PAG1: variants seen among roughly 807,000 people sequenced by gnomAD.
PAG1 encodes the protein phosphoprotein membrane anchor with glycosphingolipid microdomains 1.
A neutral mutation model predicts 31.7 loss-of-function variants in PAG1; 23 were observed. The observed-to-expected ratio is 0.73, with a 90% CI of 0.52 to 1.03. PAG1 has a LOEUF of 1.03. Ranked by LOEUF, PAG1 falls within the 50% of genes least tolerant of loss-of-function variation. The pLI, the probability that PAG1 is intolerant of heterozygous loss-of-function variation, is 0.00. For missense variants in PAG1, 473 were observed against 540.7 expected (o/e 0.87, Z 1.24); for synonymous variants, 214 against 210.3 (o/e 1.02, Z -0.15).
At chr8:80,979,120 CAT>C (rs1807244261) in intron 8 of PAG1, among the ~76,000 whole-genome samples, 1 of 152,216 alleles carries the variant, frequency 6.6e-6, no homozygotes, top group Non-Finnish European at 1.5e-5. Context: ...GTCTGTGAGT[CAT>C]AGTTCTGTCA....
In PAG1 at chr8:81,074,758, T is replaced by C. The variant is rs1363282671; in HGVS notation, c.-233-4588A>G. Among the ~76,000 whole-genome samples the C allele has an allele frequency of 4.6e-5, 7 of 152,260 alleles. No individual in the cohort carries two copies. In the East Asian group the frequency reaches 1.2e-3, roughly 25 times the overall value. On this transcript the variant is annotated intron_variant, in intron 1 of 8. Coordinates refer to ENST00000220597, the MANE Select transcript of PAG1 (RefSeq NM_018440.4). Reference sequence around the variant, plus strand: ...TTAAACCACTGTCACATCTGCACCATGCTGGCTCAATTTGCAGGCAACCAG... The same window carrying C: ...TTAAACCACTGTCACATCTGCACCACGCTGGCTCAATTTGCAGGCAACCAG...
intron 2 of PAG1, among the ~76,000 whole-genome samples, chr8:81,061,869 G>A (rs928238974): frequency 6.6e-6 from 1 of 152,136 alleles, no homozygotes; most frequent in Admixed American, 6.5e-5. Flanking sequence ...ACAAGAAGGA[G>A]CCATCCTCTA....
chr8:80,982,172 A>C (rs936486468), intron 7 of PAG1, among the ~76,000 whole-genome samples: 5 of 151,874 alleles, frequency 3.3e-5, no homozygotes, highest in African/African-American at 1.2e-4. Context: ...AGCCTGTCTC[A>C]CTTCTTTATA....
intron 3 of PAG1, among the ~76,000 whole-genome samples, chr8:80,994,810 T>C (rs1473283525): frequency 6.6e-6 from 1 of 152,244 alleles, no homozygotes; most frequent in Non-Finnish European, 1.5e-5. Flanking sequence ...AAAGAATATT[T>C]GCTTTGCTCA....
chr8:81,111,475 C>T (rs1809772339), intron 1 of PAG1, 116 bp downstream of exon 1: 2 of 152,560 alleles, frequency 1.3e-5, no homozygotes, highest in Non-Finnish European at 2.9e-5. Flanking sequence ...CGCACTCCCT[C>T]CTCGAGCTGG....
At chr8:81,000,239 C>T (rs1807760974) in intron 3 of PAG1, among the ~76,000 whole-genome samples, 1 of 152,022 alleles carries the variant, frequency 6.6e-6, no homozygotes, top group African/African-American at 2.4e-5. Context: ...GAAATAGGAG[C>T]CAGTCAGGAA....
intron 1 of PAG1, among the ~76,000 whole-genome samples, chr8:81,089,650 A>G (rs776139227): frequency 6.6e-6 from 1 of 152,050 alleles, no homozygotes; most frequent in Non-Finnish European, 1.5e-5. Flanking sequence ...GGGAGACATT[A>G]TCTTTATTGG....
In PAG1 at chr8:80,978,498, C is replaced by T. The variant is rs577062166; in HGVS notation, c.937-1592G>A. On this transcript the variant is annotated intron_variant, in intron 8 of 8. Transcript: ENST00000220597. ...GACGGCATACCAGCGTATTCATCAC[C>T]TGGTAACATCAAGGAGGACAAATGT... Among the ~76,000 whole-genome samples, 3 of 152,304 alleles carry T rather than the reference C, an allele frequency of 2.0e-5. No homozygotes were observed. The East Asian group carries it at 5.8e-4, about 29-fold the overall frequency.
At chr8:80,979,913 G>T (rs141528989) in intron 8 of PAG1, among the ~76,000 whole-genome samples, 1 of 152,046 alleles carries the variant, frequency 6.6e-6, no homozygotes, top group Non-Finnish European at 1.5e-5. Context: ...GGGAATATGC[G>T]ATCTGCTCTT....
intron 2 of PAG1, among the ~76,000 whole-genome samples, chr8:81,047,166 T>C (rs947451900): frequency 2.0e-5 from 3 of 152,244 alleles, no homozygotes; most frequent in Admixed American, 1.3e-4. Flanking sequence ...TGTGTGCATG[T>C]ATTTTTATAA....
At chr8:81,003,123 C>CG (rs1314177565) in intron 3 of PAG1, among the ~76,000 whole-genome samples, 1 of 152,126 alleles carries the variant, frequency 6.6e-6, no homozygotes, top group African/African-American at 2.4e-5. Context: ...CTCAGACACT[C>CG]GGGGGTGGCG....
At chr8:81,022,456 G>A (rs1482726745) in intron 3 of PAG1, among the ~76,000 whole-genome samples, 2 of 152,072 alleles carry the variant, frequency 1.3e-5, no homozygotes, top group Admixed American at 6.6e-5. Flanking sequence ...GGAAAATAAC[G>A]ATGCTTATCT....
Position 80,972,953 on chromosome 8 carries a change from G to GTGTGTGTGTA in PAG1, c.*3590_*3591insTACACACACA, listed in dbSNP as rs1400813201. 1 of 151,844 alleles carries GTGTGTGTGTA rather than the reference G, an allele frequency of 6.6e-6. No individual in the cohort carries two copies. Among genetic ancestry groups the GTGTGTGTGTA allele is most frequent in the East Asian group, 1.9e-4 (1 of 5,178 alleles). 9.4% of individuals were successfully genotyped at this position (151,844 alleles called of 1,614,324 possible). A position where few individuals can be genotyped will look rare whatever the true frequency, so the allele number is the denominator to read the frequency against. ...CACACACGTATACGTGTGTGTGTGT[G>GTGTGTGTGTA]TGTGTGTGTGTGTAGTTTATTACTG... On this transcript the variant is annotated 3_prime_UTR_variant, in exon 9 of 9. Transcript: ENST00000220597.
intron 3 of PAG1, among the ~76,000 whole-genome samples, chr8:81,029,594 C>G (rs1054636181): frequency 1.8e-4 from 27 of 152,106 alleles, no homozygotes; most frequent in African/African-American, 6.5e-4. Context: ...GACATGAATA[C>G]AGCATATATT....
At position 80,990,661 on chromosome 8, in the gene PAG1, G is replaced by T. The variant is rs1450017685; in HGVS notation, c.177+818C>A. Reference sequence around the variant, plus strand: ...TCTCAGGCTGTTCCTCGCCAGGGTGGATCCCTGAGGGCCTCAGGATCATCA... The same window carrying T: ...TCTCAGGCTGTTCCTCGCCAGGGTGTATCCCTGAGGGCCTCAGGATCATCA... On this transcript the variant is annotated intron_variant, in intron 5 of 8. Coordinates refer to ENST00000220597, the MANE Select transcript of PAG1 (RefSeq NM_018440.4). The surrounding 1 kb of genome is among the most constrained non-coding windows in gnomAD (Gnocchi z 5.1). Among the ~76,000 whole-genome samples the T allele has an allele frequency of 6.6e-6, 1 of 152,062 alleles. No homozygotes were observed. Among genetic ancestry groups the T allele is most frequent in the Admixed American group, 6.5e-5 (1 of 15,268 alleles).
intron 1 of PAG1, among the ~76,000 whole-genome samples, chr8:81,108,585 G>A (rs4739614): frequency 0.64 from 97,308 of 151,904 alleles, 34,050 homozygotes; most frequent in East Asian, 1. Context: ...TGCCCTATAC[G>A]GCAATTAGAT....
chr8:81,060,868 T>A (rs1232531539), intron 2 of PAG1, among the ~76,000 whole-genome samples: 1 of 152,210 alleles, frequency 6.6e-6, no homozygotes, highest in Non-Finnish European at 1.5e-5. Context: ...CCAATAAGCA[T>A]TACCTTTGAT....
chr8:81,029,450 C>G (rs1187711136), intron 3 of PAG1, among the ~76,000 whole-genome samples: 2 of 151,968 alleles, frequency 1.3e-5, no homozygotes, highest in Non-Finnish European at 2.9e-5. Context: ...TGAAGCATTC[C>G]TCACAAACCA....
At chr8:80,981,522 C>T (rs1216558399) in intron 7 of PAG1, among the ~76,000 whole-genome samples, 1 of 152,106 alleles carries the variant, frequency 6.6e-6, no homozygotes, top group Non-Finnish European at 1.5e-5. Flanking sequence ...CCTCACCTAT[C>T]TTCACTCTGA....
Sources: gnomAD v4.1 joint callset for allele counts (sites outside exome capture counted in the v4.1 genomes callset) on GRCh38, gnomAD v4.1.1 for gene constraint, Gnocchi (gnomAD v3.1) non-coding constraint, MANE v1.5 for transcripts, NCBI Gene and HGNC (gene_info 2026-07-23, HGNC 2026-07-21) for gene names.